Variants in RMND1 observed in about 807,000 individuals in gnomAD.
RMND1 encodes required for meiotic nuclear division protein 1 homolog.
RMND1 carries 41 observed loss-of-function variants against 54.0 expected under a neutral mutation model. The ratio of observed to expected loss-of-function variants is 0.76; its 90% CI spans 0.59 to 0.98. The LOEUF (loss-of-function observed/expected upper bound fraction) is 0.98, where lower values mean the gene tolerates loss of function less well. Ranked by LOEUF, RMND1 falls within the 50% of genes least tolerant of loss-of-function variation. The pLI, the probability that RMND1 is intolerant of heterozygous loss-of-function variation, is 0.00. For missense variants in RMND1, 457 were observed against 532.0 expected (o/e 0.86, Z 1.39); for synonymous variants, 183 against 181.7 (o/e 1.01, Z -0.06).
Position 151,427,108 on chromosome 6 carries a change from G to A in RMND1, c.830+374C>T, listed in dbSNP as rs189998394. The stretch of plus-strand genomic sequence containing the variant: ...AAAGTAAGTTTCCAGGCCAGGTCCA[G>A]TGGCTCACGCCTGTAATCCCAGCAC... On this transcript the variant is annotated intron_variant, in intron 6 of 11. Coordinates refer to ENST00000444024, the MANE Select transcript of RMND1 (RefSeq NM_017909.4). 2.6e-5 allele frequency among the ~76,000 whole-genome samples: 4 copies of A among 152,110 alleles called. No individual in the cohort carries two copies. The East Asian group carries it at 7.9e-4, about 30-fold the overall frequency.
At chr6:151,406,117 T>C (rs1376467346) in intron 10 of RMND1, among the ~76,000 whole-genome samples, 2 of 152,234 alleles carry the variant, frequency 1.3e-5, no homozygotes, top group African/African-American at 2.4e-5. Flanking sequence ...AGCTGCCCTT[T>C]TTAGCAGTTA....
intron 10 of RMND1, among the ~76,000 whole-genome samples, chr6:151,412,903 C>A (rs766704967): frequency 4.1e-4 from 62 of 152,288 alleles, no homozygotes; most frequent in Non-Finnish European, 7.2e-4. Flanking sequence ...CCCTGATGAT[C>A]CAGTCACCCC....
intron 3 of RMND1, among the ~76,000 whole-genome samples, chr6:151,435,426 C>A (rs867863215): frequency 1.7e-4 from 26 of 152,018 alleles, no homozygotes; most frequent in African/African-American, 6.3e-4. Context: ...GATTACAGGC[C>A]TGAGCCACCA....
intron 4 of RMND1, among the ~76,000 whole-genome samples, chr6:151,430,871 A>G (rs746610770): frequency 7.9e-5 from 12 of 152,194 alleles, no homozygotes; most frequent in Non-Finnish European, 1.3e-4. Flanking sequence ...AAATAAAAGA[A>G]AGGTAAAAAT....
rs570841831 is a variant in RMND1 at position 151,426,749 on chromosome 6, T to A, written c.830+733A>T. On this transcript the variant is annotated intron_variant, in intron 6 of 11. Transcript: ENST00000444024. ...TAATATTTATTATATGGTTTAGACT[T>A]TGTATTTGTACCAGTAATCTTTTTC... Among the ~76,000 whole-genome samples the A allele has an allele frequency of 5.3e-5, 8 of 152,194 alleles. No individual in the cohort carries two copies. The South Asian group carries it at 1.7e-3, about 32-fold the overall frequency.
At chr6:151,427,645 A>C in intron 5 of RMND1, 63 bp from the exon 6 acceptor site, 1 of 1,040,164 alleles carries the variant, frequency 9.6e-7, no homozygotes, top group Non-Finnish European at 1.5e-6. Flanking sequence ...GTATGTTATG[A>C]TTTTAATGCT....
intron 6 of RMND1, among the ~76,000 whole-genome samples, chr6:151,426,056 C>T (rs1582954258): frequency 6.6e-6 from 1 of 151,374 alleles, no homozygotes; most frequent in Non-Finnish European, 1.5e-5. Context: ...CAATTCTCTG[C>T]CTCCGCCTCC....
chr6:151,434,950 G>T (rs1313563716), intron 3 of RMND1, among the ~76,000 whole-genome samples: 1 of 152,076 alleles, frequency 6.6e-6, no homozygotes, highest in Non-Finnish European at 1.5e-5. Context: ...CCAGGTTCAA[G>T]TGATTGTCCT....
intron 10 of RMND1, among the ~76,000 whole-genome samples, chr6:151,415,100 C>T (rs963944139): frequency 4.2e-4 from 62 of 149,238 alleles, no homozygotes; most frequent in African/African-American, 1.4e-3. Context: ...GAGAAAAGAA[C>T]AGAAAGAATA....
rs1031864539 is a variant in RMND1, at chr6:151,445,636, G to T, written c.176C>A (p.Ala59Asp). The T allele has an allele frequency of 6.2e-7, 1 of 1,614,042 alleles. No homozygotes were observed. Among genetic ancestry groups the T allele is most frequent in the Non-Finnish European group, 8.5e-7 (1 of 1,180,028 alleles). The change falls in exon 2 of 12, where the codon GCT becomes GAT. Residue 59 changes from alanine to aspartate, a missense_variant. By Grantham distance (126) the Ala-to-Asp change is moderately radical (BLOSUM62 -2). Transcript: ENST00000444024. ...GATCTGAGACTTATTCAAACCACTA[G>T]CTGTTTTATCAGGAAGGAACAAATC... Reference protein sequence around the residue: ...SLDLFLPDKTASGLNKSQILE... With the variant: ...SLDLFLPDKTDSGLNKSQILE...
At chr6:151,430,224 A>G in intron 4 of RMND1, 47 bp from the exon 5 acceptor site, 4 of 1,333,068 alleles carry the variant, frequency 3.0e-6, no homozygotes, top group Non-Finnish European at 4.3e-6. Flanking sequence ...GATGGAATAC[A>G]TTCTTTAGGG....
chr6:151,411,125 A>G (rs1027209153), intron 10 of RMND1: 2 of 151,886 alleles, frequency 1.3e-5, no homozygotes, highest in African/African-American at 4.8e-5. Context: ...AGGCCCGGCT[A>G]ATTTTTGTAT....
In RMND1 at chr6:151,414,479, G is replaced by A. The variant is rs529194908; in HGVS notation, c.1200+2800C>T. Among the ~76,000 whole-genome samples the A allele has an allele frequency of 2.0e-5, 3 of 152,180 alleles. No individual in the cohort carries two copies. In the South Asian group the frequency reaches 6.2e-4, roughly 32 times the overall value. Reference sequence around the variant, plus strand: ...AATCAGTAGACACTAATATCAAGAGGTATCTGAGGTTAGGTATTATTAGAT... The same window carrying A: ...AATCAGTAGACACTAATATCAAGAGATATCTGAGGTTAGGTATTATTAGAT... On this transcript the variant is annotated intron_variant, in intron 10 of 11. Coordinates refer to ENST00000444024, the MANE Select transcript of RMND1 (RefSeq NM_017909.4).
At chr6:151,430,242 T>C in intron 4 of RMND1, 65 bp from the exon 5 acceptor site, 1 of 1,121,940 alleles carries the variant, frequency 8.9e-7, no homozygotes, top group Non-Finnish European at 1.3e-6. Flanking sequence ...GGGTCGTATA[T>C]AAAACCATGT....
At chr6:151,427,699 T>C (rs528687012) in intron 5 of RMND1, 117 bp from the exon 6 acceptor site, 9 of 625,366 alleles carry the variant, frequency 1.4e-5, no homozygotes, top group Admixed American at 8.5e-5. Context: ...TTCTGTTGCA[T>C]GTTTTTAAGG....
intron 2 of RMND1, among the ~76,000 whole-genome samples, chr6:151,437,670 C>T (rs934784752): frequency 8.5e-5 from 13 of 152,178 alleles, no homozygotes; most frequent in Admixed American, 2.6e-4. Flanking sequence ...CTCAGCTCCC[C>T]AATTCTTTCC....
At chr6:151,424,938 A>G (rs1374750277) in intron 6 of RMND1, among the ~76,000 whole-genome samples, 1 of 152,176 alleles carries the variant, frequency 6.6e-6, no homozygotes, top group African/African-American at 2.4e-5. Context: ...CAAAGACAGC[A>G]GTCACAAGAG....
chr6:151,415,792 CAAAAAAAA>C (rs3029408), intron 10 of RMND1, among the ~76,000 whole-genome samples: 1 of 93,752 alleles, frequency 1.1e-5, no homozygotes, highest in Non-Finnish European at 2.2e-5. Context: ...GACTCCGTCT[CAAAAAAAA>C]AAAAAAAAAA....
intron 2 of RMND1, among the ~76,000 whole-genome samples, chr6:151,440,208 C>T (rs982817988): frequency 6.6e-6 from 1 of 152,170 alleles, no homozygotes; most frequent in Non-Finnish European, 1.5e-5. Flanking sequence ...CTGCCCACCT[C>T]GGCCTCAAGT....
Sources: allele counts gnomAD v4.1 joint callset (sites outside exome capture counted in the v4.1 genomes callset), GRCh38; gene constraint gnomAD v4.1.1; transcripts MANE v1.5; gene names NCBI Gene and HGNC (gene_info 2026-07-23, HGNC 2026-07-21).